RGS17: variants seen among roughly 807,000 people sequenced by gnomAD.
The protein encoded by RGS17 is regulator of G protein signaling 17.
Under a neutral mutation model 25.5 loss-of-function variants are expected in RGS17, and 12 were observed. The observed-to-expected ratio is 0.47, with a 90% CI of 0.30 to 0.76. The LOEUF is 0.76. Ranked by LOEUF, RGS17 falls within the 30% of genes least tolerant of loss-of-function variation. The pLI, the probability that RGS17 is intolerant of heterozygous loss-of-function variation, is 0.07. For missense variants in RGS17, 196 were observed against 242.2 expected, an observed-to-expected ratio of 0.81 and a Z score of 1.27; for synonymous variants, 71 against 76.9, an observed-to-expected ratio of 0.92 and a Z score of 0.40.
At chr6:153,076,983 A>AGG (rs1776890094) in intron 1 of RGS17, among the ~76,000 whole-genome samples, 1 of 152,046 alleles carries the variant, frequency 6.6e-6, no homozygotes. Context: ...TATAAGGGAA[A>AGG]AAAATGTACT....
chr6:153,085,894 T>C (rs1777046804), intron 1 of RGS17, among the ~76,000 whole-genome samples: 1 of 151,680 alleles, frequency 6.6e-6, no homozygotes, highest in Non-Finnish European at 1.5e-5. Flanking sequence ...AAGAGATTCA[T>C]ACAAGAAAAA....
At position 153,034,091 on chromosome 6, in the gene RGS17, C is replaced by T. The variant is rs1776201704; in HGVS notation, c.120-7548G>A. 2.0e-5 allele frequency among the ~76,000 whole-genome samples: 3 copies of T among 152,158 alleles called. No individual in the cohort carries two copies. In the South Asian group the frequency reaches 6.2e-4, roughly 32 times the overall value. ...AGTTAAAACCCTGTTAGTGAATATT[C>T]AGAAATATATCTGATAGCTGGCAGG... On this transcript the variant is annotated intron_variant, in intron 2 of 4. Transcript: ENST00000206262.
intron 2 of RGS17, among the ~76,000 whole-genome samples, chr6:153,033,238 T>C (rs1031583401): frequency 2.6e-5 from 4 of 152,188 alleles, no homozygotes; most frequent in African/African-American, 4.8e-5. Context: ...ATTTCCTTCA[T>C]GGACATATTG....
At chr6:153,093,998 C>T (rs947499452) in intron 1 of RGS17, among the ~76,000 whole-genome samples, 2 of 151,982 alleles carry the variant, frequency 1.3e-5, no homozygotes, top group African/African-American at 2.4e-5. Context: ...TATATAAATA[C>T]GATTATGTAA....
At chr6:153,057,180 G>GAT (rs1776572840) in intron 1 of RGS17, among the ~76,000 whole-genome samples, 1 of 150,946 alleles carries the variant, frequency 6.6e-6, no homozygotes, top group South Asian at 2.1e-4. Flanking sequence ...TGGGTATTTT[G>GAT]ATATATATTA....
In RGS17 at chr6:153,008,888, TAGAGTTG is replaced by T; in HGVS notation, c.*2679_*2685del. The T allele has an allele frequency of 6.6e-6, 1 of 152,176 alleles. No homozygotes were observed. Among genetic ancestry groups the T allele is most frequent in the African/African-American group, 2.4e-5 (1 of 41,452 alleles). 9.4% of individuals were successfully genotyped at this position (152,176 alleles called of 1,614,324 possible). ...AATTATATCATACTTAGAAAATTAG[TAGAGTTG>T]CAAATATACAGACATACTCTTAAAT... On this transcript the variant is annotated 3_prime_UTR_variant, in exon 5 of 5. Transcript: ENST00000206262.
chr6:153,089,224 T>C (rs2349434), intron 1 of RGS17, among the ~76,000 whole-genome samples: 1 of 30,770 alleles, frequency 3.2e-5, no homozygotes, highest in African/African-American at 1.1e-4. Flanking sequence ...TAGGTATATA[T>C]GTATATATGT....
At chr6:153,026,606 A>G (rs1288182189) in intron 2 of RGS17, 63 bp from the exon 3 acceptor site, 2 of 1,292,330 alleles carry the variant, frequency 1.5e-6, no homozygotes, top group Non-Finnish European at 2.2e-6. Context: ...GAAAAGAATA[A>G]ATTTTTCTGG....
In RGS17 at chr6:153,010,542, C is replaced by A. The variant is rs1029087558; in HGVS notation, c.*1032G>T. ...TTTTCCTGGTAAAAACTTAGCTTTTCATTGGATTTCACTTTCAAGGAAAAT... is the reference window on the plus strand; with the variant it reads ...TTTTCCTGGTAAAAACTTAGCTTTTAATTGGATTTCACTTTCAAGGAAAAT... On this transcript the variant is annotated 3_prime_UTR_variant, in exon 5 of 5. Transcript: ENST00000206262. 2 of 152,054 alleles carry A rather than the reference C, an allele frequency of 1.3e-5. No homozygotes were observed. Among genetic ancestry groups the A allele is most frequent in the Non-Finnish European group, 2.9e-5 (2 of 67,916 alleles). 9.4% of individuals were successfully genotyped at this position (152,054 alleles called of 1,614,324 possible).
chr6:153,017,752 T>C (rs1378051841), intron 4 of RGS17, among the ~76,000 whole-genome samples: 1 of 152,190 alleles, frequency 6.6e-6, no homozygotes, highest in Non-Finnish European at 1.5e-5. Flanking sequence ...TTTCTCCATT[T>C]TTCTCTCTTA....
At chr6:153,128,667 C>T (rs949461000) in intron 1 of RGS17, among the ~76,000 whole-genome samples, 3 of 151,928 alleles carry the variant, frequency 2.0e-5, no homozygotes, top group African/African-American at 7.3e-5. Context: ...CTTCAAAGAC[C>T]GTGGCCCTCG....
intron 1 of RGS17, among the ~76,000 whole-genome samples, chr6:153,120,747 T>C (rs764059369): frequency 1.8e-4 from 28 of 152,250 alleles, no homozygotes; most frequent in Non-Finnish European, 3.7e-4. Context: ...AGTGATTTCC[T>C]GCGAGTACTG....
At chr6:153,128,652 C>G (rs933292155) in intron 1 of RGS17, among the ~76,000 whole-genome samples, 15 of 152,118 alleles carry the variant, frequency 9.9e-5, no homozygotes, top group African/African-American at 3.6e-4. Context: ...TATATTTCTC[C>G]TTTTCTTCAA....
At chr6:153,082,202 G>A (rs1286902388) in intron 1 of RGS17, among the ~76,000 whole-genome samples, 5 of 152,058 alleles carry the variant, frequency 3.3e-5, no homozygotes, top group Admixed American at 6.6e-5. Context: ...ATATTGGCGT[G>A]GTTTATCTTG....
At chr6:153,099,801 C>T (rs73627257) in intron 1 of RGS17, among the ~76,000 whole-genome samples, 3,838 of 152,176 alleles carry the variant, frequency 0.025, 160 homozygotes, top group African/African-American at 0.086. Context: ...CAGAAAAGCA[C>T]TTTCAGAGTG....
rs1426911956 is a variant in RGS17, at chr6:153,130,153, CAG to C, written c.-26+969_-26+970del. Reference sequence around the variant, plus strand: ...GTCCTCCGGCATTTATTCAGGGAGACAGGGAGGCAGAGAGAAGAGGAGAAAGC... The same window carrying C: ...GTCCTCCGGCATTTATTCAGGGAGACGGAGGCAGAGAGAAGAGGAGAAAGC... On this transcript the variant is annotated intron_variant, in intron 1 of 4. Transcript: ENST00000206262. This position sits in a 1 kb window ranked among gnomAD's most constrained non-coding sequence, Gnocchi z 6.4. Among the ~76,000 whole-genome samples, 1 of 152,210 alleles carries C rather than the reference CAG, an allele frequency of 6.6e-6. No individual in the cohort carries two copies. Among genetic ancestry groups the C allele is most frequent in the African/African-American group, 2.4e-5 (1 of 41,466 alleles).
At chr6:153,069,230 GAA>G in intron 1 of RGS17, among the ~76,000 whole-genome samples, 1 of 152,160 alleles carries the variant, frequency 6.6e-6, no homozygotes, top group African/African-American at 2.4e-5. Context: ...AATGAATAAA[GAA>G]AATATGGTAC....
At chr6:153,015,155 T>C (rs1041050725) in intron 4 of RGS17, among the ~76,000 whole-genome samples, 1 of 152,202 alleles carries the variant, frequency 6.6e-6, no homozygotes, top group Non-Finnish European at 1.5e-5. Context: ...TTCTTATAGA[T>C]GAGCAAAGAA....
chr6:153,053,726 G>A (rs541854964), intron 1 of RGS17, among the ~76,000 whole-genome samples: 4 of 151,374 alleles, frequency 2.6e-5, no homozygotes, highest in Admixed American at 6.6e-5. Context: ...CCAGGTGTTC[G>A]AGGCTGCAGT....
Sources: allele counts gnomAD v4.1 joint callset (sites outside exome capture counted in the v4.1 genomes callset), GRCh38; gene constraint gnomAD v4.1.1; non-coding constraint Gnocchi (gnomAD v3.1); transcripts MANE v1.5; gene names NCBI Gene and HGNC (gene_info 2026-07-23, HGNC 2026-07-21).